SFXN4: variants seen among roughly 807,000 people sequenced by gnomAD.
SFXN4 encodes the protein sideroflexin-4.
Under a neutral mutation model 54.6 loss-of-function variants are expected in SFXN4, and 48 were observed. That is an observed-to-expected ratio of 0.88 (90% CI 0.70 to 1.12). SFXN4 has a LOEUF of 1.12. Among genes scored for constraint, SFXN4 ranks in the 50% most tolerant of loss-of-function variants. The probability of loss-of-function intolerance (pLI) is 0.00; values close to 1 mark genes in which losing one functional copy is unlikely to be tolerated. For missense variants in SFXN4, 383 were observed against 409.2 expected, an observed-to-expected ratio of 0.94 and a Z score of 0.55; for synonymous variants, 130 against 145.5, an observed-to-expected ratio of 0.89 and a Z score of 0.77.
intron 10 of SFXN4, among the ~76,000 whole-genome samples, chr10:119,155,480 C>T (rs1250391267): frequency 6.6e-6 from 1 of 152,020 alleles, no homozygotes; most frequent in African/African-American, 2.4e-5. Flanking sequence ...AAACATATTC[C>T]TCCCTCGTCT....
chr10:119,165,102 T>A (rs1225795035), intron 1 of SFXN4: 1 of 499,878 alleles, frequency 2.0e-6, no homozygotes, highest in Non-Finnish European at 2.6e-6. Context: ...TATTGGACGG[T>A]GCTGCCCTAG....
At chr10:119,155,245 C>G (rs939778434) in intron 10 of SFXN4, 68 bp from the exon 11 acceptor site, 2 of 1,072,616 alleles carry the variant, frequency 1.9e-6, no homozygotes, top group East Asian at 4.8e-5. Flanking sequence ...AGGAACATCT[C>G]TTTGGGTGTC....
chr10:119,161,437 C>CAAAAAAAAAAAAAAAAAAAAAACCAA (rs1554888747), intron 3 of SFXN4, among the ~76,000 whole-genome samples: 3 of 119,828 alleles, frequency 2.5e-5, no homozygotes, highest in Non-Finnish European at 5.1e-5. Flanking sequence ...CAAAAAAAAA[C>CAAAAAAAAAAAAAAAAAAAAAACCAA]AAAAAAAAAA....
At chr10:119,154,434 C>A (rs922782005) in intron 11 of SFXN4, among the ~76,000 whole-genome samples, 3 of 152,184 alleles carry the variant, frequency 2.0e-5, no homozygotes, top group Non-Finnish European at 2.9e-5. Context: ...CACCTGTAAT[C>A]CCAGCACTTT....
intron 3 of SFXN4, among the ~76,000 whole-genome samples, chr10:119,161,850 T>A (rs768778895): frequency 3.3e-5 from 5 of 152,116 alleles, no homozygotes; most frequent in Non-Finnish European, 5.9e-5. Context: ...TTAGAAAAAG[T>A]TAAATATGTG....
intron 13 of SFXN4, among the ~76,000 whole-genome samples, 187 bp from the exon 14 acceptor site, chr10:119,141,506 A>C (rs1846522403): frequency 7.2e-6 from 1 of 139,708 alleles, no homozygotes; most frequent in Non-Finnish European, 1.5e-5. Context: ...AACTTCTTAA[A>C]CTTTTTTTTT....
intron 9 of SFXN4, among the ~76,000 whole-genome samples, chr10:119,157,229 GA>G (rs932179165): frequency 5.9e-5 from 9 of 152,118 alleles, no homozygotes; most frequent in African/African-American, 1.9e-4. Flanking sequence ...AGGAGTTTGA[GA>G]TCAACCTGGC....
Position 119,155,096 on chromosome 10 carries a change from T to C in SFXN4, c.698A>G (p.Asn233Ser). The C allele has an allele frequency of 1.2e-6, 2 of 1,614,114 alleles. No individual in the cohort carries two copies. Among genetic ancestry groups the C allele is most frequent in the Non-Finnish European group, 1.7e-6 (2 of 1,179,926 alleles). ...AGCAATTCTGGAATGACCCAGGACA[T>C]TGCCTTCCTTGTCCATGACCGCAAT... ...KGIAVMDKEGNVLGHSRIAGT... is the reference protein window; with the variant it reads ...KGIAVMDKEGSVLGHSRIAGT... Residue 233 changes from asparagine (N) to serine (S), a missense_variant, in exon 11 of 14, where the codon AAT (asparagine) becomes AGT (serine). Coordinates refer to ENST00000355697, the MANE Select transcript of SFXN4 (RefSeq NM_213649.2).
intron 11 of SFXN4, among the ~76,000 whole-genome samples, chr10:119,153,483 G>A (rs952618331): frequency 2.6e-5 from 4 of 152,074 alleles, no homozygotes; most frequent in African/African-American, 9.7e-5. Flanking sequence ...CAGAATTGAG[G>A]CCTTGAAAAG....
rs76218480 is a variant in SFXN4, at chr10:119,152,822, A to C, written c.732+2240T>G. On this transcript the variant is annotated intron_variant, in intron 11 of 13. Coordinates refer to ENST00000355697, the MANE Select transcript of SFXN4 (RefSeq NM_213649.2). ...TCTTTTCTGAGCTTCCCTGCCACCA[A>C]CATGCTGGTCAGTAGAAGGACATAC... Among the ~76,000 whole-genome samples, 1,318 of 152,202 alleles carry C rather than the reference A, an allele frequency of 8.7e-3. 48 individuals are homozygous for C. The highest frequency in any genetic ancestry group is 0.086 in the East Asian group (443 of 5,168).
rs1846788413 is a variant in SFXN4, at chr10:119,146,226, G to A, written c.936+10C>T. 7.0e-7 allele frequency: 1 copy of A among 1,430,658 alleles called. No individual in the cohort carries two copies. Among genetic ancestry groups the A allele is most frequent in the Non-Finnish European group, 9.8e-7 (1 of 1,024,324 alleles). The allele number at this position is 1,430,658 out of a possible 1,614,324, so 88.6% of individuals were successfully genotyped here. Reference sequence around the variant, plus strand: ...AAACTTTGAGAGAAAAGAGGAATGGGGGCACTTACCTGTCCAATCTGTGGA... The same window carrying A: ...AAACTTTGAGAGAAAAGAGGAATGGAGGCACTTACCTGTCCAATCTGTGGA... On this transcript the variant is annotated intron_variant, in intron 13 of 13. Transcript: ENST00000355697.
Position 119,151,330 on chromosome 10 carries a change from T to C in SFXN4, c.733-3470A>G, listed in dbSNP as rs1316320834. 2.1e-5 allele frequency among the ~76,000 whole-genome samples: 3 copies of C among 143,612 alleles called. No individual in the cohort carries two copies. In the Admixed American group the frequency reaches 2.2e-4, roughly 11 times the overall value. The allele number at this position is 143,612 out of a possible 152,430, so 94.2% of individuals were successfully genotyped here. On this transcript the variant is annotated intron_variant, in intron 11 of 13. Transcript: ENST00000355697. Reference sequence around the variant, plus strand: ...GTTGCAGTGAGCCAAGATCGCACCATTGCACTCCAGCCTGGGCGACAGAGT... The same window carrying C: ...GTTGCAGTGAGCCAAGATCGCACCACTGCACTCCAGCCTGGGCGACAGAGT...
At chr10:119,141,352 T>A in intron 13 of SFXN4, 33 bp from the exon 14 acceptor site, 1 of 1,382,462 alleles carries the variant, frequency 7.2e-7, no homozygotes, top group Non-Finnish European at 1.0e-6. Context: ...ATGTTTCTAT[T>A]AATAGTTTTT....
chr10:119,157,166 T>C (rs1203739879), intron 9 of SFXN4, among the ~76,000 whole-genome samples: 1 of 152,092 alleles, frequency 6.6e-6, no homozygotes, highest in Non-Finnish European at 1.5e-5. Context: ...TGGTGGCTCA[T>C]GGCTGTAATC....
chr10:119,158,335 T>A lies in SFXN4; in HGVS notation c.361-273A>T, dbSNP rs149462838. On this transcript the variant is annotated intron_variant, in intron 6 of 13. Coordinates refer to ENST00000355697, the MANE Select transcript of SFXN4 (RefSeq NM_213649.2). ...GCAGGGTAGCTAAGATGTACACATT[T>A]GTTAGCTGGGTGCAGTGGCTCACTC... 3.5e-3 allele frequency among the ~76,000 whole-genome samples: 540 copies of A among 152,196 alleles called. 6 individuals are homozygous for A. Among genetic ancestry groups the A allele is most frequent in the African/African-American group, 0.012 (516 of 41,526 alleles).
intron 11 of SFXN4, 52 bp downstream of exon 11, chr10:119,155,010 G>T (rs1249994304): frequency 1.6e-6 from 2 of 1,259,382 alleles, no homozygotes; most frequent in South Asian, 2.4e-5. Context: ...AAACAGAAAA[G>T]TCTAGTCGTT....
At chr10:119,160,669 A>G (rs1415002626) in intron 5 of SFXN4, among the ~76,000 whole-genome samples, 1 of 146,760 alleles carries the variant, frequency 6.8e-6, no homozygotes, top group Non-Finnish European at 1.5e-5. Context: ...AGCTCACTGC[A>G]ACCTCCGGCT....
At position 119,161,756 on chromosome 10, in the gene SFXN4, G is replaced by A. The variant is rs1169386960; in HGVS notation, c.252+584C>T. On this transcript the variant is annotated intron_variant, in intron 3 of 13. Coordinates refer to ENST00000355697, the MANE Select transcript of SFXN4 (RefSeq NM_213649.2). The stretch of plus-strand genomic sequence containing the variant: ...TTGCCTCTGGCTCAGAGCAGAGCAG[G>A]CTGTGTGCTGATGACACACCATGCC... Among the ~76,000 whole-genome samples the A allele has an allele frequency of 2.0e-5, 3 of 152,182 alleles. No individual in the cohort carries two copies. The East Asian group carries it at 5.8e-4, about 29-fold the overall frequency.
At chr10:119,141,689 G>A (rs1038820641) in intron 13 of SFXN4, among the ~76,000 whole-genome samples, 4 of 151,614 alleles carry the variant, frequency 2.6e-5, no homozygotes, top group Non-Finnish European at 4.4e-5. Context: ...GCCCATTATT[G>A]TTATTTACTT....
Sources: gnomAD v4.1 joint callset for allele counts (sites outside exome capture counted in the v4.1 genomes callset) on GRCh38, gnomAD v4.1.1 for gene constraint, MANE v1.5 for transcripts, NCBI Gene and HGNC (gene_info 2026-07-23, HGNC 2026-07-21) for gene names.